The following DTWD1 variants were observed in gnomAD, a reference collection of about 807,000 sequenced individuals.
DTWD1 encodes DTW motif tRNA-uridine aminocarboxypropyltransferase 1.
A neutral mutation model predicts 30.2 loss-of-function variants in DTWD1; 27 were observed. That is an observed-to-expected ratio of 0.90 (90% confidence interval 0.66 to 1.23). The LOEUF is 1.23. DTWD1 is among the 50% of genes most tolerant of loss of function. DTWD1 has a pLI of 0.00. For synonymous variants in DTWD1, 99 were observed against 113.1 expected, an observed-to-expected ratio of 0.88 and a Z score of 0.79; for missense variants, 342 against 348.8, an observed-to-expected ratio of 0.98 and a Z score of 0.15.
rs1368641112 is a variant in DTWD1, at chr15:49,649,971, A to T, written c.*6393A>T. 6.6e-6 allele frequency: 1 copy of T among 151,976 alleles called. No homozygotes were observed. Among genetic ancestry groups the T allele is most frequent in the Non-Finnish European group, 1.5e-5 (1 of 68,036 alleles). The allele number at this position is 151,976 out of a possible 1,614,324, so 9.4% of individuals were successfully genotyped here. On this transcript the variant is annotated 3_prime_UTR_variant, in exon 5 of 5. Coordinates refer to ENST00000403028, the MANE Select transcript of DTWD1 (RefSeq NM_001144955.2). ...GTTTAAATAGCATGGTCAGATGGAA[A>T]AGCCTGTGATAAGGTAAAATTGAGC...
chr15:49,630,826 G>A (rs115100457), intron 2 of DTWD1: 4,206 of 182,170 alleles, frequency 0.023, 196 homozygotes, highest in African/African-American at 0.096. Flanking sequence ...ATTTACAGCC[G>A]CTCCCCATCA....
intron 1 of DTWD1, among the ~76,000 whole-genome samples, chr15:49,622,101 A>G (rs886652083): frequency 6.6e-6 from 1 of 152,178 alleles, no homozygotes; most frequent in Non-Finnish European, 1.5e-5. Flanking sequence ...ATACTTCAGT[A>G]GTGAGATGCT....
rs1030220194 is a variant in DTWD1 at position 49,650,108 on chromosome 15, A to G, written c.*6530A>G. On this transcript the variant is annotated 3_prime_UTR_variant, in exon 5 of 5. Coordinates refer to ENST00000403028, the MANE Select transcript of DTWD1 (RefSeq NM_001144955.2). ...TATATATATACACACAAAGGTACTG[A>G]GGCAGCAGTATACTTGGCATGTTTG... 21 of 152,122 alleles carry G rather than the reference A, an allele frequency of 1.4e-4. No individual in the cohort carries two copies. The highest frequency in any genetic ancestry group is 5.1e-4 in the African/African-American group (21 of 41,428). 9.4% of individuals were successfully genotyped at this position (152,122 alleles called of 1,614,324 possible).
chr15:49,643,223 C>A (rs1419888325), intron 4 of DTWD1, 108 bp from the exon 5 acceptor site: 1 of 1,284,238 alleles, frequency 7.8e-7, no homozygotes, highest in Non-Finnish European at 1.0e-6. Context: ...AAAAAAAATT[C>A]TTAGAATAAT....
intron 2 of DTWD1, chr15:49,626,884 G>A: frequency 3.0e-6 from 1 of 331,688 alleles, no homozygotes; most frequent in Non-Finnish European, 6.5e-6. Flanking sequence ...GAAAAAACAA[G>A]AACTTGAGGG....
In DTWD1 at chr15:49,643,709, A is replaced by G; in HGVS notation, c.*131A>G. On this transcript the variant is annotated 3_prime_UTR_variant, in exon 5 of 5. Transcript: ENST00000403028. ...ATTTGAAAAAATTCCAGTTTCATAT[A>G]TATCACTTCATATTTCTTGAAGGAA... 1 of 925,518 alleles carries G rather than the reference A, an allele frequency of 1.1e-6. No homozygotes were observed. The highest frequency in any genetic ancestry group is 1.5e-6 in the Non-Finnish European group (1 of 669,542). 57.3% of individuals were successfully genotyped at this position (925,518 alleles called of 1,614,324 possible). A position where few individuals can be genotyped will look rare whatever the true frequency, so the allele number is the denominator to read the frequency against.
chr15:49,651,726 T>G lies in DTWD1; in HGVS notation c.*8148T>G, dbSNP rs2079153386. The G allele has an allele frequency of 6.6e-6, 1 of 152,090 alleles. No individual in the cohort carries two copies. Among genetic ancestry groups the G allele is most frequent in the East Asian group, 1.9e-4 (1 of 5,180 alleles). The allele number at this position is 152,090 out of a possible 1,614,324, so 9.4% of individuals were successfully genotyped here. On this transcript the variant is annotated 3_prime_UTR_variant, in exon 5 of 5. Coordinates refer to ENST00000403028, the MANE Select transcript of DTWD1 (RefSeq NM_001144955.2). ...GCTTTTCCTCTTTGCAGAGCCTCAG[T>G]CAGTATCACCATTTGAGTTTACTTA...
Position 49,655,673 on chromosome 15 carries a change from C to A in DTWD1, c.*12095C>A, listed in dbSNP as rs1401037230. The A allele has an allele frequency of 6.6e-6, 1 of 152,044 alleles. No individual in the cohort carries two copies. The highest frequency in any genetic ancestry group is 1.5e-5 in the Non-Finnish European group (1 of 67,992). 9.4% of individuals were successfully genotyped at this position (152,044 alleles called of 1,614,324 possible). A position where few individuals can be genotyped will look rare whatever the true frequency, so the allele number is the denominator to read the frequency against. ...GTATAGCTTGAAGTCATTCTAAAGT[C>A]TTCACAAAGGATCTTACAGCCTTTG... is the stretch of plus-strand genomic sequence containing the variant. On this transcript the variant is annotated 3_prime_UTR_variant, in exon 5 of 5. Transcript: ENST00000403028.
At chr15:49,640,671 C>G (rs931249053) in intron 4 of DTWD1, among the ~76,000 whole-genome samples, 25 of 131,400 alleles carry the variant, frequency 1.9e-4, no homozygotes, top group South Asian at 5.6e-4. Flanking sequence ...TTACTTTTCT[C>G]TAATTACTAA....
intron 1 of DTWD1, 142 bp downstream of exon 1, chr15:49,621,264 G>C (rs973674079): frequency 6.6e-6 from 1 of 152,178 alleles, no homozygotes. Flanking sequence ...CGCCTGTGAG[G>C]GGGATCCTCG....
chr15:49,634,850 C>A, intron 4 of DTWD1, 56 bp downstream of exon 4: 1 of 1,481,656 alleles, frequency 6.7e-7, no homozygotes, highest in Non-Finnish European at 9.0e-7. Context: ...TTTGAAAAAA[C>A]TTCAAACTTA....
intron 4 of DTWD1, among the ~76,000 whole-genome samples, chr15:49,641,103 T>C (rs1340771044): frequency 6.6e-6 from 1 of 152,036 alleles, no homozygotes; most frequent in Non-Finnish European, 1.5e-5. Flanking sequence ...AAGCCAGTTA[T>C]TTAATTGTAG....
At chr15:49,635,425 A>G (rs1713472885) in intron 4 of DTWD1, among the ~76,000 whole-genome samples, 1 of 152,188 alleles carries the variant, frequency 6.6e-6, no homozygotes, top group Non-Finnish European at 1.5e-5. Flanking sequence ...GAATACATTT[A>G]CTAAGAAGTT....
Position 49,621,082 on chromosome 15 carries a change from T to A in DTWD1, c.-96T>A, listed in dbSNP as rs1410939054. 1 of 152,536 alleles carries A rather than the reference T, an allele frequency of 6.6e-6. No individual in the cohort carries two copies. The highest frequency in any genetic ancestry group is 2.4e-5 in the African/African-American group (1 of 41,446). The allele number at this position is 152,536 out of a possible 1,614,324, so 9.4% of individuals were successfully genotyped here. A position where few individuals can be genotyped will look rare whatever the true frequency, so the allele number is the denominator to read the frequency against. ...CGCGTGGCTCGGGCTCGGGCGGAGC[T>A]GGAGACGTGTGGAGCTGTTCGAGGA... On this transcript the variant is annotated 5_prime_UTR_variant, in exon 1 of 5. Transcript: ENST00000403028.
At chr15:49,623,361 C>A (rs533713257) in intron 1 of DTWD1, among the ~76,000 whole-genome samples, 7 of 151,978 alleles carry the variant, frequency 4.6e-5, no homozygotes, top group Admixed American at 2.0e-4. Context: ...GTATGTGCAG[C>A]AAAGAGACGC....
intron 2 of DTWD1, chr15:49,626,784 C>A: frequency 2.3e-6 from 1 of 444,256 alleles, no homozygotes; most frequent in Non-Finnish European, 4.6e-6. Flanking sequence ...GTCTCCTCAG[C>A]ATCTAAAATC....
chr15:49,638,937 A>G (rs1437423185), intron 4 of DTWD1, among the ~76,000 whole-genome samples: 1 of 152,126 alleles, frequency 6.6e-6, no homozygotes, highest in Non-Finnish European at 1.5e-5. Flanking sequence ...AGGGGGAGAC[A>G]TTGTTTCTTT....
chr15:49,626,298 A>G (rs779517478), intron 2 of DTWD1, among the ~76,000 whole-genome samples: 3 of 152,106 alleles, frequency 2.0e-5, no homozygotes, highest in Admixed American at 6.5e-5. Context: ...TATCCTATAC[A>G]TGGGGATGGA....
intron 1 of DTWD1, among the ~76,000 whole-genome samples, chr15:49,622,801 T>G (rs1218746067): frequency 6.6e-6 from 1 of 152,214 alleles, no homozygotes; most frequent in Non-Finnish European, 1.5e-5. Context: ...TGGCCTCTTC[T>G]ACGTGGCCAC....
Sources: allele counts gnomAD v4.1 joint callset (sites outside exome capture counted in the v4.1 genomes callset), GRCh38; gene constraint gnomAD v4.1.1; transcripts MANE v1.5; gene names NCBI Gene and HGNC (gene_info 2026-07-23, HGNC 2026-07-21).